CTNNA3: variants seen among roughly 807,000 people sequenced by gnomAD.
CTNNA3 encodes the protein catenin alpha 3.
Under a neutral mutation model 95.7 loss-of-function variants are expected in CTNNA3, and 76 were observed. The ratio of observed to expected loss-of-function variants is 0.79; its 90% CI spans 0.66 to 0.96. CTNNA3 has a LOEUF of 0.96. CTNNA3 is among the 40% of genes least tolerant of loss of function. CTNNA3 has a pLI of 0.00. For synonymous variants in CTNNA3, 431 were observed against 374.4 expected (o/e 1.15, Z -1.74); for missense variants, 1,191 against 1,089.8 (o/e 1.09, Z -1.31).
At chr10:67,656,005 C>T (rs750064536) in intron 1 of CTNNA3, among the ~76,000 whole-genome samples, 4 of 152,046 alleles carry the variant, frequency 2.6e-5, no homozygotes, top group Non-Finnish European at 5.9e-5. Context: ...ATTATCATAG[C>T]TGATTTTATA....
intron 10 of CTNNA3, among the ~76,000 whole-genome samples, chr10:66,604,854 G>A (rs968308870): frequency 6.7e-6 from 1 of 149,490 alleles, no homozygotes; most frequent in African/African-American, 2.5e-5. Flanking sequence ...CCACAAAGAT[G>A]AGAAACAACC....
At chr10:67,075,043 C>T (rs114632365) in intron 7 of CTNNA3, among the ~76,000 whole-genome samples, 1,583 of 152,134 alleles carry the variant, frequency 0.01, 30 homozygotes, top group African/African-American at 0.036. Flanking sequence ...CTATCTTCAG[C>T]TTCTAACAGT....
intron 7 of CTNNA3, among the ~76,000 whole-genome samples, chr10:66,953,084 C>G (rs1848622132): frequency 6.6e-6 from 1 of 152,036 alleles, no homozygotes; most frequent in Admixed American, 6.6e-5. Flanking sequence ...AGAAACCAAC[C>G]AGCAAAACCA....
intron 7 of CTNNA3, among the ~76,000 whole-genome samples, chr10:67,071,207 C>T (rs1333001469): frequency 6.6e-6 from 1 of 152,118 alleles, no homozygotes; most frequent in Non-Finnish European, 1.5e-5. Context: ...TTCAATCACT[C>T]AGATATTTCC....
chr10:67,067,592 C>T (rs184089594), intron 7 of CTNNA3, among the ~76,000 whole-genome samples: 6 of 152,250 alleles, frequency 3.9e-5, no homozygotes, highest in Admixed American at 3.9e-4. Flanking sequence ...GTTCCCCAAG[C>T]TTATCTAATA....
chr10:66,765,482 A>C (rs1839809851), intron 9 of CTNNA3, among the ~76,000 whole-genome samples: 1 of 152,152 alleles, frequency 6.6e-6, no homozygotes, highest in Non-Finnish European at 1.5e-5. Context: ...GCCATACTGA[A>C]TATCATCTGA....
chr10:66,889,905 C>A (rs1327838610), intron 7 of CTNNA3, among the ~76,000 whole-genome samples: 2 of 151,762 alleles, frequency 1.3e-5, no homozygotes, highest in Non-Finnish European at 2.9e-5. Flanking sequence ...ATTCTCCTGC[C>A]TCAGCCTCCC....
At chr10:67,190,879 G>C (rs908179317) in intron 6 of CTNNA3, among the ~76,000 whole-genome samples, 4 of 151,960 alleles carry the variant, frequency 2.6e-5, no homozygotes, top group African/African-American at 9.7e-5. Flanking sequence ...ACATATGAAG[G>C]ATTCTTAAAA....
intron 1 of CTNNA3, among the ~76,000 whole-genome samples, chr10:67,751,911 C>T (rs1841409779): frequency 2.0e-5 from 3 of 151,198 alleles, no homozygotes; most frequent in Admixed American, 6.6e-5. Flanking sequence ...GGAGTGGGTA[C>T]CATTCTTTCT....
intron 3 of CTNNA3, among the ~76,000 whole-genome samples, chr10:67,586,399 G>A (rs187334218): frequency 1.3e-5 from 2 of 152,222 alleles, no homozygotes; most frequent in Non-Finnish European, 2.9e-5. Flanking sequence ...TGTAATGCCA[G>A]GAGTAGGGTG....
chr10:66,758,416 GT>G (rs1197593582), intron 9 of CTNNA3, among the ~76,000 whole-genome samples: 7 of 152,188 alleles, frequency 4.6e-5, no homozygotes, highest in Admixed American at 4.6e-4. Flanking sequence ...TTATGCTTGT[GT>G]TTAATTGAGT....
intron 7 of CTNNA3, among the ~76,000 whole-genome samples, chr10:66,803,371 C>A (rs1180376598): frequency 5.3e-5 from 8 of 151,954 alleles, no homozygotes; most frequent in Non-Finnish European, 1.2e-4. Context: ...ACTCTCACTT[C>A]GAATTTCTGA....
chr10:67,483,770 A>T (rs572091015), intron 5 of CTNNA3, among the ~76,000 whole-genome samples: 1,956 of 121,944 alleles, frequency 0.016, 13 homozygotes, highest in Non-Finnish European at 0.023. Context: ...ATAAAAAAAT[A>T]AAAATTAAAA....
intron 5 of CTNNA3, among the ~76,000 whole-genome samples, chr10:67,292,108 A>G (rs925949379): frequency 6.6e-6 from 1 of 152,194 alleles, no homozygotes; most frequent in African/African-American, 2.4e-5. Flanking sequence ...GGTATGGGGC[A>G]GGACTCTCTC....
chr10:67,456,633 A>G (rs1463345572), intron 5 of CTNNA3, among the ~76,000 whole-genome samples: 1 of 152,188 alleles, frequency 6.6e-6, no homozygotes, highest in Admixed American at 6.6e-5. Flanking sequence ...TATGAACATG[A>G]GCAGTGTAGT....
intron 6 of CTNNA3, among the ~76,000 whole-genome samples, chr10:67,184,093 ACT>A (rs1395136272): frequency 6.6e-5 from 10 of 152,012 alleles, no homozygotes; most frequent in African/African-American, 2.2e-4. Context: ...ATGGAGAAGG[ACT>A]CTCTGGTGAA....
At chr10:66,885,021 T>TG (rs1317595461) in intron 7 of CTNNA3, among the ~76,000 whole-genome samples, 1 of 152,128 alleles carries the variant, frequency 6.6e-6, no homozygotes, top group Non-Finnish European at 1.5e-5. Flanking sequence ...CAGCACTGTA[T>TG]GTGATGTATC....
At chr10:66,273,226 T>C (rs1217266298) in intron 13 of CTNNA3, among the ~76,000 whole-genome samples, 1 of 152,036 alleles carries the variant, frequency 6.6e-6, no homozygotes, top group Non-Finnish European at 1.5e-5. Flanking sequence ...TGAAGTAAAA[T>C]AAGGGTTACT....
At chr10:66,612,976 G>A (rs544877120) in intron 10 of CTNNA3, among the ~76,000 whole-genome samples, 2 of 152,028 alleles carry the variant, frequency 1.3e-5, no homozygotes, top group East Asian at 1.9e-4. Flanking sequence ...TAAACTTAAT[G>A]TCAGCAAGGC....
Sources: allele counts gnomAD v4.1 joint callset (sites outside exome capture counted in the v4.1 genomes callset), GRCh38; gene constraint gnomAD v4.1.1; transcripts MANE v1.5; gene names NCBI Gene and HGNC (gene_info 2026-07-23, HGNC 2026-07-21).